Variants in PDE4D observed in about 807,000 individuals in gnomAD.
PDE4D encodes phosphodiesterase 4D.
Under a neutral mutation model 87.4 loss-of-function variants are expected in PDE4D, and 24 were observed. The ratio of observed to expected loss-of-function variants is 0.27; its 90% CI spans 0.20 to 0.39. The LOEUF is 0.39. Ranked by LOEUF, PDE4D falls within the 10% of genes least tolerant of loss-of-function variation. The pLI is 1.00. For missense variants in PDE4D, 714 were observed against 1,041.0 expected, an observed-to-expected ratio of 0.69 and a Z score of 4.32; for synonymous variants, 384 against 383.2, an observed-to-expected ratio of 1.00 and a Z score of -0.02.
chr5:60,489,626 G>C (rs1357098259), upstream of PDE4D: 2 of 152,184 alleles, frequency 1.3e-5, no homozygotes, highest in African/African-American at 4.8e-5. Context: ...TGTTTAAATA[G>C]TTTTTATTTA....
chr5:60,095,843 T>G (rs762294182), intron 2 of PDE4D, among the ~76,000 whole-genome samples: 3 of 152,182 alleles, frequency 2.0e-5, no homozygotes, highest in Non-Finnish European at 2.9e-5. Context: ...TGATGGCCAG[T>G]GATGATGAGC....
At chr5:60,421,115 G>GA (rs1398900824) in intron 1 of PDE4D, among the ~76,000 whole-genome samples, 2 of 152,242 alleles carry the variant, frequency 1.3e-5, no homozygotes, top group Non-Finnish European at 2.9e-5. Context: ...GGGCATAGCT[G>GA]AACAAAAGGC....
At chr5:60,147,956 TC>T (rs1781161432) in intron 2 of PDE4D, 1 of 308,008 alleles carries the variant, frequency 3.2e-6, no homozygotes, top group Non-Finnish European at 6.6e-6. Context: ...ACATCATAAC[TC>T]CTCCTGAATT....
intron 1 of PDE4D, among the ~76,000 whole-genome samples, chr5:60,274,758 G>A (rs1473999035): frequency 6.6e-6 from 1 of 152,190 alleles, no homozygotes; most frequent in African/African-American, 2.4e-5. Flanking sequence ...GATTGCTTGG[G>A]CTATTGGCAG....
At chr5:59,501,857 TAG>T (rs1329787540) in intron 1 of PDE4D, among the ~76,000 whole-genome samples, 1 of 152,114 alleles carries the variant, frequency 6.6e-6, no homozygotes. Flanking sequence ...TCAAGTGGAA[TAG>T]ATAGTAGAAT....
rs529098762 is a variant in PDE4D, at chr5:59,070,089, C to G, written c.809-31118G>C. On this transcript the variant is annotated intron_variant, in intron 5 of 14. Coordinates refer to ENST00000340635, the MANE Select transcript of PDE4D (RefSeq NM_001104631.2). ...AGATAGTTTTTGAGAAATATTACAGCAATTTCTACTTTTAGAAGTACTGCT... is the reference window on the plus strand; with the variant it reads ...AGATAGTTTTTGAGAAATATTACAGGAATTTCTACTTTTAGAAGTACTGCT... Among the ~76,000 whole-genome samples the G allele has an allele frequency of 3.3e-5, 5 of 152,212 alleles. No homozygotes were observed. In the East Asian group the frequency reaches 9.7e-4, roughly 29 times the overall value.
intron 2 of PDE4D, among the ~76,000 whole-genome samples, chr5:60,115,910 G>A (rs114456019): frequency 0.012 from 1,798 of 152,158 alleles, 33 homozygotes; most frequent in African/African-American, 0.042. Flanking sequence ...AAGATTTTAC[G>A]TGAATGGAGG....
chr5:60,035,329 T>C (rs1049410035), intron 2 of PDE4D, among the ~76,000 whole-genome samples: 1 of 152,040 alleles, frequency 6.6e-6, no homozygotes, highest in African/African-American at 2.4e-5. Context: ...TCAAGGTAGG[T>C]CCTCTGCCAG....
intron 1 of PDE4D, among the ~76,000 whole-genome samples, chr5:59,407,858 G>C (rs763693900): frequency 1.3e-5 from 2 of 152,164 alleles, no homozygotes; most frequent in Non-Finnish European, 2.9e-5. Context: ...TGACCTGGCT[G>C]CTTCTAATAA....
Position 60,381,872 on chromosome 5 carries a change from A to G in PDE4D, c.-90+106070T>C, listed in dbSNP as rs1463977657. 3.9e-5 allele frequency among the ~76,000 whole-genome samples: 6 copies of G among 152,234 alleles called. No homozygotes were observed. The East Asian group carries it at 1.2e-3, about 29-fold the overall frequency. ...TGAGGAAAAGATTAGAGAAAAAAAC[A>G]GCAAGGAGTTGAACACAAACTGTGA... On this transcript the variant is annotated intron_variant, in intron 1 of 16. Coordinates refer to the PDE4D transcript ENST00000502484.
intron 2 of PDE4D, among the ~76,000 whole-genome samples, chr5:60,091,408 G>A (rs955371342): frequency 7.2e-5 from 11 of 152,030 alleles, no homozygotes; most frequent in Admixed American, 1.3e-4. Context: ...AATTATCAGG[G>A]AAATGCAAAT....
At chr5:59,309,668 C>A in intron 1 of PDE4D, among the ~76,000 whole-genome samples, 3 of 152,248 alleles carry the variant, frequency 2.0e-5, no homozygotes, top group Middle Eastern at 6.8e-3. Flanking sequence ...TGGGTCCTCT[C>A]AAGGTTGCTG....
At chr5:59,478,158 A>C (rs1454200981) in intron 1 of PDE4D, among the ~76,000 whole-genome samples, 1 of 152,088 alleles carries the variant, frequency 6.6e-6, no homozygotes, top group East Asian at 1.9e-4. Context: ...ATACCCATGT[A>C]ACAAACCTGC....
rs1046630051 is a variant in PDE4D at position 59,612,382 on chromosome 5, A to C, written c.455+280786T>G. ...GAATATAAATATGGGCAAGTCTGAC[A>C]ATCCAATAATTTATATTTTATATAG... is the stretch of plus-strand genomic sequence containing the variant. On this transcript the variant is annotated intron_variant, in intron 1 of 14. Coordinates refer to ENST00000340635, the MANE Select transcript of PDE4D (RefSeq NM_001104631.2). Among the ~76,000 whole-genome samples the C allele has an allele frequency of 5.9e-5, 9 of 152,276 alleles. No homozygotes were observed. In the South Asian group the frequency reaches 1.9e-3, roughly 32 times the overall value.
At chr5:59,844,877 C>G (rs1413759401) in intron 1 of PDE4D, among the ~76,000 whole-genome samples, 1 of 152,036 alleles carries the variant, frequency 6.6e-6, no homozygotes, top group Non-Finnish European at 1.5e-5. Flanking sequence ...CTGACTGAAT[C>G]AGAAGAACAT....
intron 1 of PDE4D, among the ~76,000 whole-genome samples, chr5:59,776,848 A>G (rs1764127076): frequency 6.6e-6 from 1 of 151,526 alleles, no homozygotes; most frequent in African/African-American, 2.4e-5. Flanking sequence ...CCTAATTTTA[A>G]TGAATGTTTC....
At chr5:59,764,217 C>T (rs1762503430) in intron 1 of PDE4D, among the ~76,000 whole-genome samples, 1 of 152,022 alleles carries the variant, frequency 6.6e-6, no homozygotes, top group African/African-American at 2.4e-5. Context: ...AAACATGATC[C>T]TAAAGGTTCA....
Position 60,132,867 on chromosome 5 carries a change from A to T in PDE4D, c.42+52690T>A, listed in dbSNP as rs184423516. On this transcript the variant is annotated intron_variant, in intron 2 of 16. Coordinates refer to the PDE4D transcript ENST00000502484. ...GCGAGACTATACCTCGAGAAAAAAA[A>T]AATTACTCAAGTAAATTTTGTGTTC... 5.3e-5 allele frequency among the ~76,000 whole-genome samples: 8 copies of T among 152,240 alleles called. No individual in the cohort carries two copies. The East Asian group carries it at 1.4e-3, about 26-fold the overall frequency.
intron 2 of PDE4D, among the ~76,000 whole-genome samples, chr5:60,006,048 T>C (rs1355618804): frequency 6.6e-6 from 1 of 151,984 alleles, no homozygotes; most frequent in Non-Finnish European, 1.5e-5. Flanking sequence ...CTTAATGTTA[T>C]TGAGGTAATT....
Sources: gnomAD v4.1 joint callset for allele counts (sites outside exome capture counted in the v4.1 genomes callset) on GRCh38, gnomAD v4.1.1 for gene constraint, MANE v1.5 for transcripts, NCBI Gene and HGNC (gene_info 2026-07-23, HGNC 2026-07-21) for gene names.